EFTUD2: variants seen among roughly 807,000 people sequenced by gnomAD.
EFTUD2 encodes 116 kDa U5 small nuclear ribonucleoprotein component.
EFTUD2 carries 9 observed loss-of-function variants against 114.3 expected under a neutral mutation model. The ratio of observed to expected loss-of-function variants is 0.08; its 90% CI spans 0.05 to 0.14. The LOEUF (loss-of-function observed/expected upper bound fraction) is 0.14. Among genes scored for constraint, EFTUD2 ranks in the 10% least tolerant of loss-of-function variants. The pLI, the probability that EFTUD2 is intolerant of heterozygous loss-of-function variation, is 1.00. For missense variants in EFTUD2, 765 were observed against 1,241.2 expected, an observed-to-expected ratio of 0.62 and a Z score of 5.76; for synonymous variants, 449 against 462.3, an observed-to-expected ratio of 0.97 and a Z score of 0.37.
intron 2 of EFTUD2, chr17:44,891,713 C>T (rs2051283241): frequency 6.6e-6 from 1 of 151,994 alleles, no homozygotes; most frequent in Non-Finnish European, 1.5e-5. Flanking sequence ...ATTCACATTC[C>T]ATACAATCTA....
rs374762480 is a variant in EFTUD2, at chr17:44,880,679, T to C, written c.529-35A>G. On this transcript the variant is annotated intron_variant, in intron 7 of 27. Transcript: ENST00000426333. ...ACAAAGAGTGGTCAAGACCTCTTCC[T>C]ATGCAAGAGGGGTTCATTTTGTTTT... 205 of 1,552,062 alleles carry C rather than the reference T, an allele frequency of 1.3e-4. 1 individual carries two copies. In the Middle Eastern group the frequency reaches 2.1e-3, roughly 16 times the overall value.
At chr17:44,880,468 A>T in intron 8 of EFTUD2, 86 bp downstream of exon 8, 3 of 934,910 alleles carry the variant, frequency 3.2e-6, no homozygotes, top group Non-Finnish European at 5.0e-6. Context: ...ACAAAGATGC[A>T]CTGCTCCGTT....
intron 11 of EFTUD2, among the ~76,000 whole-genome samples, chr17:44,871,739 T>C: frequency 6.6e-6 from 1 of 152,184 alleles, no homozygotes; most frequent in East Asian, 1.9e-4. Context: ...ATAGAAACGC[T>C]GATGCTCCAC....
At chr17:44,893,767 T>TGGGGGGGGGGGGGGGGGGGG (rs775875878) in intron 2 of EFTUD2, among the ~76,000 whole-genome samples, 1 of 85,474 alleles carries the variant, frequency 1.2e-5, no homozygotes, top group African/African-American at 4.6e-5. Flanking sequence ...TAAAAAAAGG[T>TGGGGGGGGGGGGGGGGGGGG]GGGGGGGGGG....
chr17:44,853,728 T>C, intron 23 of EFTUD2, 93 bp from the exon 24 acceptor site: 1 of 1,570,992 alleles, frequency 6.4e-7, no homozygotes, highest in Non-Finnish European at 8.7e-7. Flanking sequence ...ACTGCAGCTG[T>C]CTTGCAGTCA....
At position 44,852,393 on chromosome 17, in the gene EFTUD2, T is replaced by G; in HGVS notation, c.2715+16A>C. 1.9e-6 allele frequency: 3 copies of G among 1,613,704 alleles called. No homozygotes were observed. Among genetic ancestry groups the G allele is most frequent in the Non-Finnish European group, 2.5e-6 (3 of 1,179,946 alleles). ...AGGTGGGAAGCCAAGTCCGCCAGCC[T>G]GCATTGCTTTCTCACCTGCCAGTGG... On this transcript the variant is annotated intron_variant, in intron 26 of 27. Coordinates refer to ENST00000426333, the MANE Select transcript of EFTUD2 (RefSeq NM_004247.4).
intron 14 of EFTUD2, 39 bp downstream of exon 14, chr17:44,864,891 G>A (rs776289599): frequency 1.4e-5 from 22 of 1,600,414 alleles, no homozygotes; most frequent in Admixed American, 6.8e-5. Context: ...GGCAGGGCAC[G>A]AGGATGACAG....
chr17:44,854,799 C>G lies in EFTUD2; in HGVS notation c.2133-117G>C. On this transcript the variant is annotated intron_variant, in intron 21 of 27. Transcript: ENST00000426333. The surrounding 1 kb of genome is among the most constrained non-coding windows in gnomAD (Gnocchi z 4.3). ...TTCATCCTACCCACTGTGCCCAGAA[C>G]AAGAGCAAAGGCAAAGACATAAATG... 1.3e-6 allele frequency: 2 copies of G among 1,577,344 alleles called. No homozygotes were observed. The highest frequency in any genetic ancestry group is 1.7e-6 in the Non-Finnish European group (2 of 1,152,324).
chr17:44,866,497 G>A (rs1489736613), intron 13 of EFTUD2, among the ~76,000 whole-genome samples: 2 of 152,146 alleles, frequency 1.3e-5, no homozygotes, highest in African/African-American at 4.8e-5. Flanking sequence ...TGCAGCCTCT[G>A]CCTCAAGAGT....
chr17:44,899,344 G>C (rs903693605), intron 1 of EFTUD2, 25 bp downstream of exon 1: 2 of 152,224 alleles, frequency 1.3e-5, no homozygotes, highest in African/African-American at 4.8e-5. Flanking sequence ...CAACCCTTCC[G>C]TGCCGCTGAC....
rs8081531 is a variant in EFTUD2, at chr17:44,875,840, C to T, written c.869+94G>A. 8,449 of 1,494,144 alleles carry T rather than the reference C, an allele frequency of 5.7e-3. 355 individuals are homozygous for T. In the African/African-American group the frequency reaches 0.095, roughly 17 times the overall value. 92.6% of individuals were successfully genotyped at this position (1,494,144 alleles called of 1,614,324 possible). On this transcript the variant is annotated intron_variant, in intron 10 of 27. Coordinates refer to ENST00000426333, the MANE Select transcript of EFTUD2 (RefSeq NM_004247.4). ...TTTGCCCAACAAACTCATCAACACA[C>T]GCTTAGAAATAAATCACAGTTGTTC...
At chr17:44,883,995 G>A in intron 4 of EFTUD2, 1 of 419,064 alleles carries the variant, frequency 2.4e-6, no homozygotes. Context: ...GGCTGGGCAT[G>A]GTGGCTCATG....
chr17:44,858,987 T>C (rs2050607216), intron 19 of EFTUD2, 93 bp downstream of exon 19: 1 of 856,108 alleles, frequency 1.2e-6, no homozygotes, highest in Non-Finnish European at 2.0e-6. Flanking sequence ...ACATGTACTC[T>C]CTCTTCCCTT....
chr17:44,860,614 T>C (rs2050638335), intron 16 of EFTUD2, 71 bp from the exon 17 acceptor site: 4 of 1,027,424 alleles, frequency 3.9e-6, no homozygotes, highest in Non-Finnish European at 5.8e-6. Flanking sequence ...TTTTTTTTTT[T>C]TTTGAGACAG....
chr17:44,855,234 A>C (rs1158700241), intron 20 of EFTUD2, among the ~76,000 whole-genome samples: 2 of 152,090 alleles, frequency 1.3e-5, no homozygotes, highest in East Asian at 3.9e-4. Flanking sequence ...ACACCACTGC[A>C]CTCCAGTCTG....
chr17:44,877,820 ACAACAAC>A (rs1339870428), intron 9 of EFTUD2, among the ~76,000 whole-genome samples: 1 of 89,194 alleles, frequency 1.1e-5, no homozygotes, highest in East Asian at 2.6e-4. Flanking sequence ...AAACAAAACA[ACAACAAC>A]AACAACAACA....
chr17:44,853,247 T>C (rs780245241), intron 25 of EFTUD2, 49 bp downstream of exon 25: 5 of 1,590,432 alleles, frequency 3.1e-6, no homozygotes, highest in Admixed American at 1.7e-5. Flanking sequence ...GTGACTCTTG[T>C]TCTGCTCTTG....
chr17:44,858,738 C>T (rs781725660), intron 19 of EFTUD2, among the ~76,000 whole-genome samples: 19 of 152,120 alleles, frequency 1.2e-4, no homozygotes, highest in Non-Finnish European at 2.5e-4. Flanking sequence ...CCACCATGCC[C>T]GGCCTGGCTA....
At chr17:44,881,397 T>C (rs866733076) in intron 7 of EFTUD2, among the ~76,000 whole-genome samples, 17 of 152,204 alleles carry the variant, frequency 1.1e-4, no homozygotes, top group South Asian at 2.1e-4. Context: ...GCGTAACTTA[T>C]AGCACAAATG....
Sources: gnomAD v4.1 joint callset for allele counts (sites outside exome capture counted in the v4.1 genomes callset) on GRCh38, gnomAD v4.1.1 for gene constraint, Gnocchi (gnomAD v3.1) non-coding constraint, MANE v1.5 for transcripts, NCBI Gene and HGNC (gene_info 2026-07-23, HGNC 2026-07-21) for gene names.